Variants in FTO observed in about 807,000 individuals in gnomAD.
FTO encodes alpha-ketoglutarate-dependent dioxygenase FTO.
In FTO, 47 loss-of-function variants were observed where a neutral mutation model predicts 63.9. The ratio of observed to expected loss-of-function variants is 0.74; its 90% CI spans 0.58 to 0.94. The LOEUF (loss-of-function observed/expected upper bound fraction) is 0.94, where lower values mean the gene tolerates loss of function less well. Among genes scored for constraint, FTO ranks in the 40% least tolerant of loss-of-function variants. The pLI is 0.00. For synonymous variants in FTO, 207 were observed against 224.4 expected, an observed-to-expected ratio of 0.92 and a Z score of 0.69; for missense variants, 562 against 618.1, an observed-to-expected ratio of 0.91 and a Z score of 0.96.
At chr16:54,069,766 C>T (rs1226965597) in intron 8 of FTO, 2 of 152,046 alleles carry the variant, frequency 1.3e-5, no homozygotes, top group African/African-American at 4.8e-5. Context: ...ATCTCTGCCC[C>T]AAGGGAAGTG....
At chr16:53,984,600 C>T (rs574880591) in intron 8 of FTO, among the ~76,000 whole-genome samples, 10 of 152,152 alleles carry the variant, frequency 6.6e-5, no homozygotes, top group Non-Finnish European at 1.0e-4. Flanking sequence ...GGATTACTGG[C>T]GTGAGCTACT....
At chr16:53,909,532 CTTT>C (rs58121446) in intron 7 of FTO, among the ~76,000 whole-genome samples, 3,043 of 70,834 alleles carry the variant, frequency 0.043, 36 homozygotes, top group Non-Finnish European at 0.061. Context: ...AGAGCCCCGC[CTTT>C]TTTTTTTTTT....
At chr16:53,881,150 T>TAAATAAATAAATAAATAAATAAATAAAA (rs1427694945) in intron 6 of FTO, among the ~76,000 whole-genome samples, 1 of 149,982 alleles carries the variant, frequency 6.7e-6, no homozygotes, top group African/African-American at 2.5e-5. Flanking sequence ...AATAAATAAA[T>TAAATAAATAAATAAATAAATAAATAAAA]AAAAATAAAA....
intron 8 of FTO, among the ~76,000 whole-genome samples, chr16:54,018,367 T>C (rs2080450): frequency 0.55 from 78,285 of 143,100 alleles, 22,378 homozygotes; most frequent in African/African-American, 0.77. Flanking sequence ...GGCATGGTTA[T>C]AGCTTAGATA....
At chr16:53,913,634 T>C (rs1345360135) in intron 7 of FTO, among the ~76,000 whole-genome samples, 1 of 152,076 alleles carries the variant, frequency 6.6e-6, no homozygotes, top group African/African-American at 2.4e-5. Flanking sequence ...TCCTGAGAAG[T>C]AGGAAGTATC....
At chr16:53,748,704 C>T (rs770861010) in intron 1 of FTO, among the ~76,000 whole-genome samples, 1 of 152,180 alleles carries the variant, frequency 6.6e-6, no homozygotes, top group Non-Finnish European at 1.5e-5. Context: ...GATCCACCCA[C>T]CTTGGCTGGG....
At chr16:54,055,774 G>T (rs2085418141) in intron 8 of FTO, among the ~76,000 whole-genome samples, 1 of 152,168 alleles carries the variant, frequency 6.6e-6, no homozygotes, top group South Asian at 2.1e-4. Flanking sequence ...TTTTGTTTGG[G>T]TTTAGTTTGG....
chr16:53,842,322 G>A lies in FTO; in HGVS notation c.752-1833G>A, dbSNP rs114690544. Among the ~76,000 whole-genome samples the A allele has an allele frequency of 5.5e-3, 836 of 152,298 alleles. 10 individuals are homozygous for A. Among genetic ancestry groups the A allele is most frequent in the African/African-American group, 0.019 (786 of 41,570 alleles). On this transcript the variant is annotated intron_variant, in intron 3 of 8. Transcript: ENST00000471389. Reference sequence around the variant, plus strand: ...TCCACTAAAAGGAGAAGCTCCAGTGGGGCATAGCTCTTTGTTTCAGTCACT... The same window carrying A: ...TCCACTAAAAGGAGAAGCTCCAGTGAGGCATAGCTCTTTGTTTCAGTCACT...
intron 8 of FTO, among the ~76,000 whole-genome samples, chr16:54,018,373 AGATAGATAGAT>A (rs1375893223): frequency 7.0e-4 from 24 of 34,498 alleles, no homozygotes; most frequent in African/African-American, 1.5e-3. Context: ...GTTATAGCTT[AGATAGATAGAT>A]GATAGATAGA....
intron 8 of FTO, among the ~76,000 whole-genome samples, chr16:54,081,037 T>C (rs2086127405): frequency 6.6e-6 from 1 of 152,334 alleles, no homozygotes; most frequent in South Asian, 2.1e-4. Context: ...CTTCAGAGGC[T>C]GCCTCTGTGC....
At chr16:53,727,027 C>T (rs1371539566) in intron 1 of FTO, among the ~76,000 whole-genome samples, 1 of 152,230 alleles carries the variant, frequency 6.6e-6, no homozygotes. Context: ...AATATATCTT[C>T]AATCAGGAGA....
chr16:53,971,872 T>C (rs2083328461), intron 8 of FTO, among the ~76,000 whole-genome samples: 1 of 152,230 alleles, frequency 6.6e-6, no homozygotes. Flanking sequence ...CGCTGTTCTA[T>C]GAAATGCAGT....
At chr16:53,909,803 A>G (rs1203289541) in intron 7 of FTO, among the ~76,000 whole-genome samples, 1 of 151,978 alleles carries the variant, frequency 6.6e-6, no homozygotes, top group African/African-American at 2.4e-5. Context: ...ACCTCAGGTG[A>G]TCCGCCCGCA....
chr16:53,926,733 G>C (rs915289171), intron 7 of FTO, among the ~76,000 whole-genome samples: 1 of 152,148 alleles, frequency 6.6e-6, no homozygotes, highest in Non-Finnish European at 1.5e-5. Context: ...GAATAGCCAT[G>C]TGTTTTTAGG....
chr16:53,911,389 A>G (rs1205507227), intron 7 of FTO: 1 of 703,294 alleles, frequency 1.4e-6, no homozygotes, highest in Non-Finnish European at 2.6e-6. Flanking sequence ...AATGGAGTGG[A>G]GGAAAGTCAG....
In FTO at chr16:53,825,808, A is replaced by T. The variant is rs199779864; in HGVS notation, c.124-56A>T. 1.3e-3 allele frequency: 2,040 copies of T among 1,593,260 alleles called. 2 individuals carry two copies. The highest frequency in any genetic ancestry group is 1.4e-3 in the Non-Finnish European group (1,662 of 1,171,810). ...GCTTACAAAGAAACACACCTTTGGA[A>T]ATAATACAATTGTAGCTATATATCA... On this transcript the variant is annotated intron_variant, in intron 2 of 8. Coordinates refer to ENST00000471389, the MANE Select transcript of FTO (RefSeq NM_001080432.3).
chr16:53,958,223 G>A (rs139338258), intron 8 of FTO, among the ~76,000 whole-genome samples: 368 of 152,292 alleles, frequency 2.4e-3, no homozygotes, highest in South Asian at 0.018. Context: ...CTTAGAGAAG[G>A]TTAACCACTA....
intron 8 of FTO, among the ~76,000 whole-genome samples, chr16:53,946,833 T>C (rs921069228): frequency 2.0e-5 from 3 of 152,194 alleles, no homozygotes; most frequent in Non-Finnish European, 4.4e-5. Flanking sequence ...GCAACTGCAA[T>C]GAACCCTCGG....
In FTO at chr16:53,799,419, T is replaced by C. The variant is rs1406452567; in HGVS notation, c.46-10721T>C. On this transcript the variant is annotated intron_variant, in intron 1 of 8. Transcript: ENST00000471389. ...ATCCTTTTCTTTTTCTTTTTTTTCT[T>C]TGAGAGCAAGGCCTATGTCTTGATC... 5.3e-5 allele frequency among the ~76,000 whole-genome samples: 8 copies of C among 152,240 alleles called. No homozygotes were observed. In the South Asian group the frequency reaches 1.5e-3, roughly 28 times the overall value.
Sources: gnomAD v4.1 joint callset for allele counts (sites outside exome capture counted in the v4.1 genomes callset) on GRCh38, gnomAD v4.1.1 for gene constraint, MANE v1.5 for transcripts, NCBI Gene and HGNC (gene_info 2026-07-23, HGNC 2026-07-21) for gene names.